The following NR3C1 variants were observed in gnomAD, a reference collection of about 807,000 sequenced individuals.
NR3C1 encodes glucocorticoid receptor.
NR3C1 carries 14 observed loss-of-function variants against 74.0 expected under a neutral mutation model. The ratio of observed to expected loss-of-function variants is 0.19; its 90% CI spans 0.12 to 0.30. The LOEUF (loss-of-function observed/expected upper bound fraction) is 0.30, where lower values mean the gene tolerates loss of function less well. Among genes scored for constraint, NR3C1 ranks in the 10% least tolerant of loss-of-function variants. The pLI, the probability that NR3C1 is intolerant of heterozygous loss-of-function variation, is 1.00. For synonymous variants in NR3C1, 308 were observed against 332.5 expected (o/e 0.93, Z 0.80); for missense variants, 695 against 909.8 (o/e 0.76, Z 3.04).
chr5:143,343,923 TTCAC>T (rs1246185411), intron 2 of NR3C1, among the ~76,000 whole-genome samples: 2 of 152,190 alleles, frequency 1.3e-5, no homozygotes, highest in African/African-American at 4.8e-5. Context: ...GCAAATCTCA[TTCAC>T]TCAATTTTTT....
intron 2 of NR3C1, among the ~76,000 whole-genome samples, chr5:143,362,510 G>A (rs1328264452): frequency 2.6e-5 from 4 of 151,872 alleles, no homozygotes; most frequent in African/African-American, 4.8e-5. Flanking sequence ...ACAGGCGCCC[G>A]CCACCACAGC....
intron 2 of NR3C1, among the ~76,000 whole-genome samples, chr5:143,346,827 T>C (rs1197675160): frequency 1.3e-5 from 2 of 152,224 alleles, no homozygotes; most frequent in Non-Finnish European, 2.9e-5. Flanking sequence ...ATATTTTCTT[T>C]ATGAGCAGAA....
chr5:143,388,368 T>C (rs1407471598), intron 2 of NR3C1, among the ~76,000 whole-genome samples: 1 of 152,208 alleles, frequency 6.6e-6, no homozygotes, highest in East Asian at 1.9e-4. Context: ...TCGAGAAAGA[T>C]TAGAAATATA....
intron 4 of NR3C1, among the ~76,000 whole-genome samples, chr5:143,303,254 C>A (rs936891083): frequency 3.8e-5 from 2 of 52,478 alleles, no homozygotes; most frequent in Non-Finnish European, 3.9e-5. Flanking sequence ...GGTGGGGGGG[C>A]GGGTGGAGTT....
At chr5:143,392,720 G>C (rs1838485156) in intron 2 of NR3C1, among the ~76,000 whole-genome samples, 1 of 151,694 alleles carries the variant, frequency 6.6e-6, no homozygotes, top group South Asian at 2.1e-4. Flanking sequence ...TCACATAATT[G>C]GTGCTTAATC....
chr5:143,378,594 T>C (rs984654091), intron 2 of NR3C1, among the ~76,000 whole-genome samples: 1 of 152,218 alleles, frequency 6.6e-6, no homozygotes, highest in African/African-American at 2.4e-5. Flanking sequence ...GCATTAACTC[T>C]AGTCAACATC....
At chr5:143,350,788 GAGA>G (rs1360575483) in intron 2 of NR3C1, among the ~76,000 whole-genome samples, 1 of 152,178 alleles carries the variant, frequency 6.6e-6, no homozygotes, top group Non-Finnish European at 1.5e-5. Context: ...CAAGAGGCTA[GAGA>G]AGTAGAAGGA....
chr5:143,297,180 A>T (rs1817489030), intron 6 of NR3C1, among the ~76,000 whole-genome samples: 1 of 152,156 alleles, frequency 6.6e-6, no homozygotes, highest in African/African-American at 2.4e-5. Flanking sequence ...CCTTAATGAA[A>T]ATGAAACTAA....
chr5:143,393,823 A>G (rs1838720440), intron 2 of NR3C1, among the ~76,000 whole-genome samples: 1 of 152,096 alleles, frequency 6.6e-6, no homozygotes, highest in African/African-American at 2.4e-5. Flanking sequence ...TAATAGCCAC[A>G]GCTAAATATT....
At chr5:143,359,336 T>C (rs1276088401) in intron 2 of NR3C1, among the ~76,000 whole-genome samples, 3 of 152,330 alleles carry the variant, frequency 2.0e-5, no homozygotes, top group East Asian at 3.9e-4. Flanking sequence ...TGTTCCTCAA[T>C]ATACCAAGTT....
At chr5:143,360,120 T>C (rs920609983) in intron 2 of NR3C1, among the ~76,000 whole-genome samples, 1 of 152,198 alleles carries the variant, frequency 6.6e-6, no homozygotes, top group East Asian at 1.9e-4. Context: ...AAGTCACAGT[T>C]TGGCACACAG....
chr5:143,353,373 T>C (rs1830548045), intron 2 of NR3C1, among the ~76,000 whole-genome samples: 1 of 152,230 alleles, frequency 6.6e-6, no homozygotes, highest in Admixed American at 6.5e-5. Context: ...AAATTCTTAA[T>C]AGCATCTAGA....
intron 1 of NR3C1, among the ~76,000 whole-genome samples, chr5:143,425,252 AT>A (rs1287662490): frequency 2.0e-5 from 3 of 152,218 alleles, no homozygotes; most frequent in African/African-American, 7.2e-5. Context: ...AAAAGCTAAA[AT>A]TATAAAACTT....
At chr5:143,370,796 A>C (rs1290029875) in intron 2 of NR3C1, among the ~76,000 whole-genome samples, 1 of 152,226 alleles carries the variant, frequency 6.6e-6, no homozygotes, top group Non-Finnish European at 1.5e-5. Context: ...ATCAAATAGC[A>C]ACTGAGGAAA....
At chr5:143,289,232 T>C (rs769069915) in intron 7 of NR3C1, among the ~76,000 whole-genome samples, 2 of 152,186 alleles carry the variant, frequency 1.3e-5, no homozygotes, top group Non-Finnish European at 2.9e-5. Context: ...AATATGAATA[T>C]AGGCATACAG....
intron 2 of NR3C1, among the ~76,000 whole-genome samples, chr5:143,349,429 A>C (rs972012259): frequency 6.6e-6 from 1 of 152,080 alleles, no homozygotes; most frequent in African/African-American, 2.4e-5. Flanking sequence ...ATCTTCTTAG[A>C]AGACTTTACC....
intron 2 of NR3C1, among the ~76,000 whole-genome samples, chr5:143,329,606 G>A (rs950037780): frequency 6.6e-6 from 1 of 152,110 alleles, no homozygotes; most frequent in African/African-American, 2.4e-5. Context: ...TTTTCAAACT[G>A]TATCACAGAT....
chr5:143,404,052 T>A (rs1840861803), upstream of NR3C1: 3 of 985,248 alleles, frequency 3.0e-6, no homozygotes, highest in South Asian at 9.4e-5. Flanking sequence ...CGCTACCTCC[T>A]TCCCGCCCCC....
Position 143,358,006 on chromosome 5 carries a change from A to C in NR3C1, c.1184+41650T>G, listed in dbSNP as rs117359739. Reference sequence around the variant, plus strand: ...CGAATAAATACTAAATACTTGATCAAGCCAAACGATAGTTCTTTCATCTGA... The same window carrying C: ...CGAATAAATACTAAATACTTGATCACGCCAAACGATAGTTCTTTCATCTGA... On this transcript the variant is annotated intron_variant, in intron 2 of 8. Transcript: ENST00000394464. Among the ~76,000 whole-genome samples the C allele has an allele frequency of 1.0e-3, 155 of 152,370 alleles. 3 individuals are homozygous for C. The East Asian group carries it at 0.022, about 22-fold the overall frequency.
Sources: allele counts gnomAD v4.1 joint callset (sites outside exome capture counted in the v4.1 genomes callset), GRCh38; gene constraint gnomAD v4.1.1; transcripts MANE v1.5; gene names NCBI Gene and HGNC (gene_info 2026-07-23, HGNC 2026-07-21).